The following MAGI2 variants were observed in gnomAD, a reference collection of about 807,000 sequenced individuals.
The protein encoded by MAGI2 is membrane-associated guanylate kinase, WW and PDZ domain-containing protein 2.
Under a neutral mutation model 133.3 loss-of-function variants are expected in MAGI2, and 35 were observed. The ratio of observed to expected loss-of-function variants is 0.26; its 90% CI spans 0.20 to 0.35. The LOEUF (loss-of-function observed/expected upper bound fraction) is 0.35, where lower values mean the gene tolerates loss of function less well. MAGI2 is among the 10% of genes least tolerant of loss of function. The pLI, the probability that MAGI2 is intolerant of heterozygous loss-of-function variation, is 1.00. For missense variants in MAGI2, 1,636 were observed against 1,863.4 expected (o/e 0.88, Z 2.25); for synonymous variants, 729 against 710.6 (o/e 1.03, Z -0.41).
At chr7:78,055,181 C>G (rs1812437570) in intron 21 of MAGI2, among the ~76,000 whole-genome samples, 1 of 152,092 alleles carries the variant, frequency 6.6e-6, no homozygotes, top group South Asian at 2.1e-4. Flanking sequence ...AGATCTAGTG[C>G]TTTGGAACTG....
intron 3 of MAGI2, among the ~76,000 whole-genome samples, chr7:78,587,737 C>T (rs911563816): frequency 3.3e-5 from 5 of 152,080 alleles, no homozygotes; most frequent in Non-Finnish European, 7.3e-5. Context: ...AATACTCGGC[C>T]GTAGCACATA....
chr7:78,762,310 G>A (rs920964668), intron 2 of MAGI2, among the ~76,000 whole-genome samples: 6 of 151,938 alleles, frequency 3.9e-5, no homozygotes, highest in African/African-American at 1.5e-4. Context: ...GGGCGTGGTG[G>A]TGCACACCTG....
chr7:78,234,664 A>G (rs1436600072), intron 10 of MAGI2, among the ~76,000 whole-genome samples: 1 of 150,954 alleles, frequency 6.6e-6, no homozygotes, highest in Admixed American at 6.6e-5. Flanking sequence ...CCACAGTATG[A>G]AAAATGAACA....
chr7:78,882,115 A>AG (rs1795917797), intron 2 of MAGI2, among the ~76,000 whole-genome samples: 9 of 93,734 alleles, frequency 9.6e-5, no homozygotes, highest in Admixed American at 1.4e-4. Flanking sequence ...AAAAGAAAAG[A>AG]AAAACAAAAA....
At chr7:78,802,501 A>G (rs1311818741) in intron 2 of MAGI2, among the ~76,000 whole-genome samples, 2 of 152,176 alleles carry the variant, frequency 1.3e-5, no homozygotes, top group Admixed American at 6.5e-5. Flanking sequence ...CACGCACTTT[A>G]CTGGATAAAA....
At chr7:78,381,767 G>C (rs1794943219) in intron 6 of MAGI2, among the ~76,000 whole-genome samples, 1 of 152,140 alleles carries the variant, frequency 6.6e-6, no homozygotes, top group South Asian at 2.1e-4. Context: ...TTCTCTAACA[G>C]ACACAAAAAT....
chr7:78,609,300 ATATC>A lies in MAGI2; in HGVS notation c.538+17816_538+17819del, dbSNP rs559376638. ...ACTCCTTGTCAACTTGAAGCCATAT[ATATC>A]TCCTGAGATCATAATCTTCAGTAAA... On this transcript the variant is annotated intron_variant, in intron 3 of 21. Transcript: ENST00000354212. 4.4e-3 allele frequency among the ~76,000 whole-genome samples: 671 copies of A among 152,268 alleles called. 2 individuals are homozygous for A. The highest frequency in any genetic ancestry group is 6.8e-3 in the Non-Finnish European group (465 of 68,020).
chr7:78,082,493 G>A (rs1337267821), intron 20 of MAGI2, among the ~76,000 whole-genome samples: 2 of 152,022 alleles, frequency 1.3e-5, no homozygotes, highest in South Asian at 2.1e-4. Context: ...CCATAATTTC[G>A]GCTTTCCATG....
intron 2 of MAGI2, among the ~76,000 whole-genome samples, chr7:78,661,480 A>C (rs1256153496): frequency 6.6e-6 from 1 of 152,146 alleles, no homozygotes; most frequent in Non-Finnish European, 1.5e-5. Context: ...TGCCCTGACC[A>C]TTTCTCTAGT....
intron 1 of MAGI2, among the ~76,000 whole-genome samples, chr7:79,165,031 G>C (rs546726186): frequency 5.3e-5 from 8 of 151,902 alleles, no homozygotes; most frequent in African/African-American, 1.9e-4. Flanking sequence ...AACCTCTCTT[G>C]TTTCTAAAAA....
At chr7:78,993,151 T>C (rs543413380) in intron 2 of MAGI2, among the ~76,000 whole-genome samples, 1 of 152,196 alleles carries the variant, frequency 6.6e-6, no homozygotes, top group Admixed American at 6.6e-5. Flanking sequence ...AATGCATAAC[T>C]ATCCTAGTTT....
intron 1 of MAGI2, among the ~76,000 whole-genome samples, chr7:79,079,905 T>C (rs1815891938): frequency 6.6e-6 from 1 of 152,146 alleles, no homozygotes; most frequent in Non-Finnish European, 1.5e-5. Context: ...TATTGGTACC[T>C]AAGGCTTTAG....
chr7:79,145,972 G>C (rs924304865), intron 1 of MAGI2, among the ~76,000 whole-genome samples: 1 of 152,114 alleles, frequency 6.6e-6, no homozygotes, highest in African/African-American at 2.4e-5. Context: ...CATTTTCAAG[G>C]ACTAATAAAC....
chr7:78,211,532 G>T (rs2150803703), intron 10 of MAGI2, among the ~76,000 whole-genome samples: 1 of 152,272 alleles, frequency 6.6e-6, no homozygotes, highest in South Asian at 2.1e-4. Flanking sequence ...TTTGCTTTGT[G>T]GCTCACAGAT....
intron 1 of MAGI2, among the ~76,000 whole-genome samples, chr7:79,270,898 C>T (rs923682367): frequency 1.3e-5 from 2 of 151,868 alleles, no homozygotes; most frequent in South Asian, 2.1e-4. Context: ...TTTGACACTA[C>T]CAATTTACCA....
At chr7:78,990,534 C>T (rs945638000) in intron 2 of MAGI2, among the ~76,000 whole-genome samples, 1 of 151,932 alleles carries the variant, frequency 6.6e-6, no homozygotes, top group Non-Finnish European at 1.5e-5. Context: ...TCTATTCAAC[C>T]CCACCTGGTT....
intron 2 of MAGI2, among the ~76,000 whole-genome samples, chr7:78,798,651 A>G (rs927874188): frequency 6.6e-6 from 1 of 152,196 alleles, no homozygotes; most frequent in Non-Finnish European, 1.5e-5. Context: ...GAGAGGCCAC[A>G]GTCCTGTGGT....
At chr7:78,791,205 C>T (rs1190047495) in intron 2 of MAGI2, among the ~76,000 whole-genome samples, 1 of 152,090 alleles carries the variant, frequency 6.6e-6, no homozygotes, top group Non-Finnish European at 1.5e-5. Context: ...TGAAGAAATA[C>T]TCATAACCAC....
At chr7:78,191,456 G>A (rs748713922) in intron 12 of MAGI2, among the ~76,000 whole-genome samples, 2 of 152,206 alleles carry the variant, frequency 1.3e-5, no homozygotes, top group African/African-American at 2.4e-5. Context: ...TATGTGTTGT[G>A]TGTTTGTTTG....
Sources: allele counts gnomAD v4.1 joint callset (sites outside exome capture counted in the v4.1 genomes callset), GRCh38; gene constraint gnomAD v4.1.1; transcripts MANE v1.5; gene names NCBI Gene and HGNC (gene_info 2026-07-23, HGNC 2026-07-21).